The following DHX9 variants were observed in gnomAD, a reference collection of about 807,000 sequenced individuals.
DHX9 encodes the protein ATP-dependent RNA helicase A.
A neutral mutation model predicts 148.7 loss-of-function variants in DHX9; 27 were observed. The ratio of observed to expected loss-of-function variants is 0.18; its 90% CI spans 0.13 to 0.25. The LOEUF is 0.25. Ranked by LOEUF, DHX9 falls within the 10% of genes least tolerant of loss-of-function variation. The probability of loss-of-function intolerance (pLI) is 1.00; values close to 1 mark genes in which losing one functional copy is unlikely to be tolerated. For missense variants in DHX9, 796 were observed against 1,559.6 expected (o/e 0.51, Z 8.25); for synonymous variants, 529 against 516.6 (o/e 1.02, Z -0.33).
At chr1:182,855,888 T>G (rs926302607) in intron 6 of DHX9, among the ~76,000 whole-genome samples, 1 of 152,234 alleles carries the variant, frequency 6.6e-6, no homozygotes, top group African/African-American at 2.4e-5. Flanking sequence ...AATTCATTTT[T>G]TAGACTCTGC....
At chr1:182,883,079 A>T in intron 24 of DHX9, 60 bp from the exon 25 acceptor site, 1 of 1,091,684 alleles carries the variant, frequency 9.2e-7, no homozygotes, top group Non-Finnish European at 1.4e-6. Context: ...AATAGTTTGC[A>T]TGTAATGTGA....
chr1:182,886,388 G>C (rs1412192504), intron 27 of DHX9, among the ~76,000 whole-genome samples: 1 of 151,884 alleles, frequency 6.6e-6, no homozygotes, highest in African/African-American at 2.4e-5. Context: ...TAGAAACAGG[G>C]TTTTGCCATG....
Position 182,876,503 on chromosome 1 carries a change from C to G in DHX9, c.2086C>G (p.Arg696Gly). Reference sequence around the variant, plus strand: ...TTCTCAGATTCCTCGAGAGGAACAGCGCAAAGTGTTTGATCCAGTACCAGT... The same window carrying G: ...TTCTCAGATTCCTCGAGAGGAACAGGGCAAAGTGTTTGATCCAGTACCAGT... The part of the protein sequence containing the change: ...LHSQIPREEQ[R>G]KVFDPVPVGV... The change falls in exon 18 of 28, where the codon CGC becomes GGC. Residue 696 changes from arginine to glycine, a missense_variant. Physicochemically the swap from Arg to Gly is moderately radical, Grantham distance 125. Coordinates refer to ENST00000367549, the MANE Select transcript of DHX9 (RefSeq NM_001357.5). 6.2e-7 allele frequency: 1 copy of G among 1,612,732 alleles called. No individual in the cohort carries two copies. The highest frequency in any genetic ancestry group is 8.5e-7 in the Non-Finnish European group (1 of 1,179,766).
chr1:182,870,947 A>G (rs1648529638), intron 14 of DHX9, among the ~76,000 whole-genome samples: 2 of 152,238 alleles, frequency 1.3e-5, no homozygotes, highest in Admixed American at 6.5e-5. Flanking sequence ...TGTGTTTTAC[A>G]TACAGAGTAC....
chr1:182,883,834 A>G (rs1226209990), intron 26 of DHX9, among the ~76,000 whole-genome samples, 199 bp downstream of exon 26: 2 of 136,566 alleles, frequency 1.5e-5, no homozygotes, highest in Admixed American at 6.8e-5. Context: ...CACCACCACT[A>G]TGGAATCAGA....
chr1:182,883,722 A>T, intron 26 of DHX9, 87 bp downstream of exon 26: 1 of 858,616 alleles, frequency 1.2e-6, no homozygotes, highest in Non-Finnish European at 1.8e-6. Context: ...TTAATTATAT[A>T]CTAATTATAT....
chr1:182,865,074 G>C (rs1648229551), intron 12 of DHX9, among the ~76,000 whole-genome samples: 1 of 151,908 alleles, frequency 6.6e-6, no homozygotes, highest in African/African-American at 2.4e-5. Flanking sequence ...AGAAGTGTTA[G>C]AAAAGAAAAA....
rs775119990 is a variant in DHX9 at position 182,854,150 on chromosome 1, T to C, written c.598T>C (p.Tyr200His). The change falls in exon 6 of 28, where the codon TAC becomes CAC. Residue 200 changes from tyrosine to histidine, a missense_variant. By Grantham distance (83) the Tyr-to-His change is moderately conservative. Around this residue, in one of 14 missense-constraint regions of DHX9, gnomAD observed 46 missense variants for 136.3 expected, o/e 0.34. Transcript: ENST00000367549. ...QKEKIQGEYK[Y>H]TQVGPDHNRS... ...AGAAAAGATCCAAGGAGAATATAAG[T>C]ACACCCAAGTGGGTCCTGATCACAA... The C allele has an allele frequency of 6.2e-7, 1 of 1,613,392 alleles. No homozygotes were observed. The highest frequency in any genetic ancestry group is 8.5e-7 in the Non-Finnish European group (1 of 1,179,618).
intron 7 of DHX9, among the ~76,000 whole-genome samples, chr1:182,857,473 T>G (rs1257424973): frequency 2.6e-5 from 4 of 152,226 alleles, no homozygotes; most frequent in Non-Finnish European, 5.9e-5. Flanking sequence ...AAGAACTGTT[T>G]TATTGTAACA....
rs12058219 is a variant in DHX9, at chr1:182,858,904, A to G, written c.1062+10A>G. 261 of 1,613,714 alleles carry G rather than the reference A, an allele frequency of 1.6e-4. 2 individuals are homozygous for G. Among genetic ancestry groups the G allele is most frequent in the East Asian group, 9.1e-4 (41 of 44,868 alleles). ...GGGGCCTCTGGCTTTTGTGAGTGCAATATTGTTTTTGAGATCAGAGTCTTG... is the reference window on the plus strand; with the variant it reads ...GGGGCCTCTGGCTTTTGTGAGTGCAGTATTGTTTTTGAGATCAGAGTCTTG... On this transcript the variant is annotated intron_variant, in intron 10 of 27. Coordinates refer to ENST00000367549, the MANE Select transcript of DHX9 (RefSeq NM_001357.5).
Position 182,852,255 on chromosome 1 carries a change from C to T in DHX9, c.275C>T (p.Thr92Ile), listed in dbSNP as rs1422760706. 1 of 1,611,574 alleles carries T rather than the reference C, an allele frequency of 6.2e-7. No homozygotes were observed. The highest frequency in any genetic ancestry group is 8.5e-7 in the Non-Finnish European group (1 of 1,179,016). ...AFGVASPPPL[T>I]DTPDTTANAE... is the part of the protein sequence containing the mutation. ...CAGGTAGCATCTCCGCCCCCACTTACTGATACTCCTGACACTACAGCAAAT... is the reference window on the plus strand; with the variant it reads ...CAGGTAGCATCTCCGCCCCCACTTATTGATACTCCTGACACTACAGCAAAT... The change falls in exon 4 of 28, where the codon ACT becomes ATT. Residue 92 changes from threonine to isoleucine, a missense_variant. By Grantham distance (89) the Thr-to-Ile change is moderately conservative (BLOSUM62 -1). Coordinates refer to ENST00000367549, the MANE Select transcript of DHX9 (RefSeq NM_001357.5).
intron 12 of DHX9, among the ~76,000 whole-genome samples, chr1:182,862,002 G>A (rs987561690): frequency 1.3e-5 from 2 of 152,202 alleles, no homozygotes; most frequent in Non-Finnish European, 2.9e-5. Flanking sequence ...AATATGAAAA[G>A]TAGGCCTGAG....
chr1:182,884,957 T>C, intron 27 of DHX9, 144 bp downstream of exon 27: 1 of 732,912 alleles, frequency 1.4e-6, no homozygotes, highest in East Asian at 2.7e-5. Context: ...GAGAGTTTGA[T>C]GTTCTGAGTT....
At chr1:182,862,992 C>T (rs946467675) in intron 12 of DHX9, among the ~76,000 whole-genome samples, 6 of 152,082 alleles carry the variant, frequency 3.9e-5, no homozygotes, top group African/African-American at 1.4e-4. Context: ...GGCTGGACTC[C>T]AGGCAAGAGT....
At chr1:182,875,049 G>A in intron 16 of DHX9, 95 bp downstream of exon 16, 1 of 999,008 alleles carries the variant, frequency 1.0e-6, no homozygotes, top group Non-Finnish European at 1.6e-6. Context: ...TAGCATTACA[G>A]CAAACTTTCT....
chr1:182,854,263 TTGTC>T (rs1403837328), intron 6 of DHX9, 85 bp downstream of exon 6: 20 of 1,269,534 alleles, frequency 1.6e-5, no homozygotes, highest in Middle Eastern at 2.0e-4. Context: ...TTTTTGTACG[TTGTC>T]TGGTTAATTG....
chr1:182,873,743 C>T (rs1285023575), intron 15 of DHX9, among the ~76,000 whole-genome samples: 1 of 151,974 alleles, frequency 6.6e-6, no homozygotes, highest in Non-Finnish European at 1.5e-5. Context: ...GCAGTGACAC[C>T]CAGTAGATAG....
At chr1:182,884,564 T>C (rs756850007) in intron 26 of DHX9, 49 bp from the exon 27 acceptor site, 6 of 1,532,506 alleles carry the variant, frequency 3.9e-6, no homozygotes, top group Non-Finnish European at 5.4e-6. Flanking sequence ...TAATGGTCTT[T>C]TTCTACATAT....
At chr1:182,860,364 ATAAGC>A (rs1309849064) in intron 12 of DHX9, 180 bp downstream of exon 12, 6 of 474,192 alleles carry the variant, frequency 1.3e-5, no homozygotes, top group South Asian at 3.7e-5. Flanking sequence ...TGCTACACTA[ATAAGC>A]TAAACTGGAC....
Sources: gnomAD v4.1 joint callset for allele counts (sites outside exome capture counted in the v4.1 genomes callset) on GRCh38, gnomAD v4.1.1 for gene constraint, gnomAD v4.1.1 regional missense constraint, MANE v1.5 for transcripts, NCBI Gene and HGNC (gene_info 2026-07-23, HGNC 2026-07-21) for gene names.